Variants in ZNF654 observed in about 807,000 individuals in gnomAD.
ZNF654 encodes melanoma-associated antigen.
In ZNF654, 19 loss-of-function variants were observed where a neutral mutation model predicts 95.3. The observed-to-expected ratio is 0.20, with a 90% confidence interval of 0.14 to 0.29. The LOEUF (loss-of-function observed/expected upper bound fraction) is 0.29, where lower values mean the gene tolerates loss of function less well. Among genes scored for constraint, ZNF654 ranks in the 10% least tolerant of loss-of-function variants. ZNF654 has a pLI of 1.00. For synonymous variants in ZNF654, 413 were observed against 457.9 expected, an observed-to-expected ratio of 0.90 and a Z score of 1.25; for missense variants, 1,046 against 1,341.0, an observed-to-expected ratio of 0.78 and a Z score of 3.44.
chr3:88,120,535 T>G (rs756089593), intron 3 of ZNF654, among the ~76,000 whole-genome samples: 6 of 152,024 alleles, frequency 3.9e-5, no homozygotes, highest in Non-Finnish European at 8.8e-5. Flanking sequence ...CAGGAGATGG[T>G]GAAGAAAATT....
intron 3 of ZNF654, among the ~76,000 whole-genome samples, chr3:88,114,405 T>C (rs1327570291): frequency 3.3e-5 from 5 of 152,136 alleles, no homozygotes; most frequent in Non-Finnish European, 5.9e-5. Flanking sequence ...AACATAACAT[T>C]TGTGAAGGGA....
In ZNF654 at chr3:88,076,753, A is replaced by G. The variant is rs148746616; in HGVS notation, c.187-9504A>G. 2.6e-5 allele frequency among the ~76,000 whole-genome samples: 4 copies of G among 152,302 alleles called. No homozygotes were observed. The East Asian group carries it at 5.8e-4, about 22-fold the overall frequency. ...TATTTATGACGGAAGCATTTAATATATTACTCTCAGCTCTGATTTTGGAAT... is the reference window on the plus strand; with the variant it reads ...TATTTATGACGGAAGCATTTAATATGTTACTCTCAGCTCTGATTTTGGAAT... On this transcript the variant is annotated intron_variant, in intron 1 of 8. Coordinates refer to ENST00000636215, the MANE Select transcript of ZNF654 (RefSeq NM_001350134.2).
chr3:88,109,103 G>A (rs994129427), intron 2 of ZNF654, among the ~76,000 whole-genome samples: 1 of 150,912 alleles, frequency 6.6e-6, no homozygotes, highest in Non-Finnish European at 1.5e-5. Flanking sequence ...TGGGAGGGAA[G>A]GGGTCTGGTA....
rs189503435 is a variant in ZNF654 at position 88,093,902 on chromosome 3, A to G, written c.332+7500A>G. 6.6e-5 allele frequency among the ~76,000 whole-genome samples: 10 copies of G among 152,280 alleles called. No individual in the cohort carries two copies. The South Asian group carries it at 1.0e-3, about 16-fold the overall frequency. ...AAAGGTGTTTGTATTGTAGGTCCCA[A>G]TGAGTATTGCCCATCTCCACAGCAT... On this transcript the variant is annotated intron_variant, in intron 2 of 8. Transcript: ENST00000636215.
chr3:88,072,564 T>C (rs531165760), intron 1 of ZNF654, among the ~76,000 whole-genome samples: 104 of 152,320 alleles, frequency 6.8e-4, no homozygotes, highest in Non-Finnish European at 3.1e-4. Flanking sequence ...TTGGATATTA[T>C]ATAGTTTGCT....
intron 3 of ZNF654, among the ~76,000 whole-genome samples, chr3:88,122,079 A>G (rs1490358188): frequency 1.3e-5 from 2 of 152,210 alleles, no homozygotes; most frequent in Admixed American, 1.3e-4. Context: ...ATGTAGCACA[A>G]ATGTTCAATA....
At chr3:88,094,204 A>G (rs1054277427) in intron 2 of ZNF654, among the ~76,000 whole-genome samples, 8 of 150,468 alleles carry the variant, frequency 5.3e-5, no homozygotes, top group African/African-American at 2.0e-4. Flanking sequence ...TATTTTGTTT[A>G]TAGGATTTGT....
At position 88,128,967 on chromosome 3, in the gene ZNF654, A is replaced by C; in HGVS notation, c.709A>C (p.Thr237Pro). 1 of 1,535,274 alleles carries C rather than the reference A, an allele frequency of 6.5e-7. No individual in the cohort carries two copies. The highest frequency in any genetic ancestry group is 8.7e-7 in the Non-Finnish European group (1 of 1,146,408). The stretch of plus-strand genomic sequence containing the variant: ...CTTATACTTCCATCAAGCACTCTTC[A>C]CATGTCTGTTTATGTCACCTGTAGA... ...KDLYFHQALF[T>P]CLFMSPVEDQ... Residue 237 changes from threonine to proline, a missense_variant, in exon 5 of 9, where the codon ACA (threonine) becomes CCA (proline). Thr to Pro is a conservative substitution (Grantham distance 38, BLOSUM62 -1). Coordinates refer to ENST00000636215, the MANE Select transcript of ZNF654 (RefSeq NM_001350134.2).
chr3:88,102,680 C>T (rs1704495806), intron 2 of ZNF654, among the ~76,000 whole-genome samples: 1 of 152,148 alleles, frequency 6.6e-6, no homozygotes, highest in Admixed American at 6.6e-5. Context: ...CACAGAAGGT[C>T]ATGATACCAA....
chr3:88,094,831 A>G (rs1379088176), intron 2 of ZNF654, among the ~76,000 whole-genome samples: 1 of 152,028 alleles, frequency 6.6e-6, no homozygotes, highest in East Asian at 1.9e-4. Flanking sequence ...TTTGATTTAT[A>G]GAACTAGACT....
intron 6 of ZNF654, among the ~76,000 whole-genome samples, chr3:88,132,727 C>G (rs768695252): frequency 1.3e-5 from 2 of 152,178 alleles, no homozygotes; most frequent in Non-Finnish European, 2.9e-5. Context: ...GACACTTCAC[C>G]TAGGTGTTTC....
intron 2 of ZNF654, among the ~76,000 whole-genome samples, chr3:88,090,947 T>C (rs1382125989): frequency 2.6e-5 from 4 of 152,246 alleles, no homozygotes; most frequent in Non-Finnish European, 5.9e-5. Context: ...CATCTTGGGC[T>C]GCATGCAGGC....
At chr3:88,110,447 C>G (rs1016842400) in intron 2 of ZNF654, among the ~76,000 whole-genome samples, 3 of 152,086 alleles carry the variant, frequency 2.0e-5, no homozygotes, top group Non-Finnish European at 4.4e-5. Context: ...TGGCACTGAT[C>G]ATTGAATTTC....
In ZNF654 at chr3:88,059,417, C is replaced by T. The variant is rs1390392258; in HGVS notation, c.98C>T (p.Ala33Val). The stretch of plus-strand genomic sequence containing the variant: ...CTGGGCCCTGTGGGGCTTAGAGCTG[C>T]GGGCGACGGCAGAGGCGGCGCTGGC... ...SPLGPVGLRA[A>V]GDGRGGAGSG... is the part of the protein sequence containing the mutation. The change falls in exon 1 of 9, where the codon GCG becomes GTG. Residue 33 changes from alanine to valine, a missense_variant. This residue lies in a region of ZNF654 where 89 missense variants were observed against 77.9 expected (regional missense o/e 1.14). Coordinates refer to ENST00000636215, the MANE Select transcript of ZNF654 (RefSeq NM_001350134.2). The T allele has an allele frequency of 2.6e-6, 4 of 1,527,818 alleles. No individual in the cohort carries two copies. The highest frequency in any genetic ancestry group is 4.1e-5 in the Admixed American group (2 of 49,228). 94.6% of individuals were successfully genotyped at this position (1,527,818 alleles called of 1,614,324 possible). A position where few individuals can be genotyped will look rare whatever the true frequency, so the allele number is the denominator to read the frequency against.
intron 2 of ZNF654, among the ~76,000 whole-genome samples, chr3:88,100,108 G>C (rs1424957902): frequency 6.6e-6 from 1 of 152,122 alleles, no homozygotes; most frequent in Admixed American, 6.5e-5. Context: ...AATCTACAAA[G>C]AACTTAAACA....
intron 3 of ZNF654, among the ~76,000 whole-genome samples, chr3:88,117,957 AC>A (rs1377513608): frequency 4.1e-5 from 6 of 146,340 alleles, no homozygotes; most frequent in Admixed American, 6.8e-5. Context: ...AAAAAAAAAA[AC>A]AACCAAGAAC....
intron 2 of ZNF654, among the ~76,000 whole-genome samples, chr3:88,094,723 T>G (rs1559705823): frequency 6.6e-6 from 1 of 152,120 alleles, no homozygotes; most frequent in Non-Finnish European, 1.5e-5. Flanking sequence ...CATTTGAATT[T>G]TTTTATTTTG....
At chr3:88,131,391 T>C (rs1706455581) in intron 6 of ZNF654, among the ~76,000 whole-genome samples, 2 of 152,214 alleles carry the variant, frequency 1.3e-5, no homozygotes, top group Non-Finnish European at 2.9e-5. Context: ...ATGACAGTTA[T>C]AATAGATCTT....
chr3:88,111,374 A>G (rs1705080065), intron 2 of ZNF654, among the ~76,000 whole-genome samples: 1 of 151,820 alleles, frequency 6.6e-6, no homozygotes, highest in South Asian at 2.1e-4. Context: ...CAATGTATAA[A>G]CTTTATGTAT....
Sources: gnomAD v4.1 joint callset for allele counts (sites outside exome capture counted in the v4.1 genomes callset) on GRCh38, gnomAD v4.1.1 for gene constraint, gnomAD v4.1.1 regional missense constraint, MANE v1.5 for transcripts, NCBI Gene and HGNC (gene_info 2026-07-23, HGNC 2026-07-21) for gene names.